The following ZSCAN25 variants were observed in gnomAD, a reference collection of about 807,000 sequenced individuals.
The protein encoded by ZSCAN25 is zinc finger and SCAN domain-containing protein 25.
In ZSCAN25, 27 loss-of-function variants were observed where a neutral mutation model predicts 38.7. The observed-to-expected ratio is 0.70, with a 90% CI of 0.51 to 0.96. The LOEUF is 0.96. Ranked by LOEUF, ZSCAN25 falls within the 40% of genes least tolerant of loss-of-function variation. The pLI is 0.00. For missense variants in ZSCAN25, 637 were observed against 705.9 expected (o/e 0.90, Z 1.11); for synonymous variants, 273 against 277.7 (o/e 0.98, Z 0.17).
chr7:99,709,244 A>G, the ZSCAN25 span: 14 of 1,613,882 alleles, frequency 8.7e-6, no homozygotes, highest in South Asian at 1.4e-4. Flanking sequence ...GTAGCACAGT[A>G]TCATAGGTGG....
At chr7:99,663,382 C>G in the ZSCAN25 span, 1 of 991,974 alleles carries the variant, frequency 1.0e-6, no homozygotes, top group Non-Finnish European at 1.2e-6. Flanking sequence ...TTACCTGGTC[C>G]TGTCTCCCTG....
chr7:99,714,337 A>G, the ZSCAN25 span, among the ~76,000 whole-genome samples: 6 of 152,164 alleles, frequency 3.9e-5, no homozygotes, highest in East Asian at 5.8e-4. Context: ...TGTGCCTGAT[A>G]TCAAATTTTA....
the ZSCAN25 span, chr7:99,717,553 T>TG: frequency 1.2e-6 from 2 of 1,613,770 alleles, no homozygotes; most frequent in Non-Finnish European, 1.7e-6. Context: ...TGGTGAATGT[T>TG]GGAGACAGCA....
chr7:99,722,381 T>C, the ZSCAN25 span: 1 of 1,610,876 alleles, frequency 6.2e-7, no homozygotes, highest in Middle Eastern at 1.7e-4. Context: ...ATTTCATTAT[T>C]ATTTTAAGTG....
chr7:99,676,308 A>G, the ZSCAN25 span: 3 of 1,585,410 alleles, frequency 1.9e-6, no homozygotes, highest in South Asian at 2.2e-5. Flanking sequence ...AGAGGGAGGT[A>G]ATATGTACAC....
downstream of ZSCAN25, among the ~76,000 whole-genome samples, chr7:99,635,096 C>T (rs1808218149): frequency 6.6e-6 from 1 of 151,832 alleles, no homozygotes. Context: ...GTTTCTCAAC[C>T]CCTGCACTGT....
the ZSCAN25 span, chr7:99,714,775 G>A: frequency 6.4e-7 from 1 of 1,560,180 alleles, no homozygotes; most frequent in Non-Finnish European, 8.6e-7. Context: ...AATCAGAAGA[G>A]TGAAATACAT....
chr7:99,722,217 G>T, the ZSCAN25 span: 1 of 1,579,968 alleles, frequency 6.3e-7, no homozygotes, highest in Admixed American at 1.7e-5. Context: ...GAGGCTCTGG[G>T]CTGAGACTAT....
the ZSCAN25 span, chr7:99,705,517 TC>T: frequency 6.2e-7 from 1 of 1,613,656 alleles, no homozygotes. Context: ...CCACTTACGG[TC>T]TCATCCCTTG....
At chr7:99,681,951 T>G in the ZSCAN25 span, among the ~76,000 whole-genome samples, 2 of 152,104 alleles carry the variant, frequency 1.3e-5, no homozygotes, top group Non-Finnish European at 2.9e-5. Context: ...GTCTCAGATT[T>G]CAGTTTTGTT....
the ZSCAN25 span, among the ~76,000 whole-genome samples, chr7:99,654,903 C>T: frequency 2.6e-4 from 39 of 152,186 alleles, no homozygotes; most frequent in African/African-American, 9.4e-4. Flanking sequence ...TGTTCATATC[C>T]TTCCCCCACT....
the ZSCAN25 span, among the ~76,000 whole-genome samples, chr7:99,711,334 A>G: frequency 1.3e-5 from 2 of 152,236 alleles, no homozygotes; most frequent in Admixed American, 6.5e-5. Context: ...AATTTGCAAC[A>G]TTAATGGCTA....
rs1461611266 is a variant in ZSCAN25 at position 99,624,039 on chromosome 7, A to G, written c.682-18A>G. 1 of 1,614,008 alleles carries G rather than the reference A, an allele frequency of 6.2e-7. No homozygotes were observed. The highest frequency in any genetic ancestry group is 8.5e-7 in the Non-Finnish European group (1 of 1,180,034). ...CTAGGATTCTTTCTTTATTCATAGC[A>G]ATCTCCTATTGTTGCAGGGGTTGGG... is the stretch of plus-strand genomic sequence containing the variant. On this transcript the variant is annotated intron_variant, in intron 6 of 7. Coordinates refer to ENST00000394152, the MANE Select transcript of ZSCAN25 (RefSeq NM_145115.3).
At chr7:99,669,778 TA>T in the ZSCAN25 span, among the ~76,000 whole-genome samples, 6 of 152,208 alleles carry the variant, frequency 3.9e-5, no homozygotes, top group African/African-American at 1.2e-4. Flanking sequence ...TCAAGAGATT[TA>T]TATGAAGCAG....
the ZSCAN25 span, chr7:99,709,122 G>A: frequency 6.2e-7 from 1 of 1,613,816 alleles, no homozygotes; most frequent in Admixed American, 1.7e-5. Flanking sequence ...CACCCCTTTG[G>A]GAATAAACAT....
chr7:99,665,084 G>A, the ZSCAN25 span: 1 of 1,180,260 alleles, frequency 8.5e-7, no homozygotes, highest in Non-Finnish European at 1.2e-6. Flanking sequence ...CCTTTTAAGT[G>A]GATGAATTAT....
chr7:99,728,564 AC>A, the ZSCAN25 span, among the ~76,000 whole-genome samples: 1 of 152,138 alleles, frequency 6.6e-6, no homozygotes, highest in Admixed American at 6.5e-5. Flanking sequence ...TTTGCCTCAC[AC>A]AAGGCCTCTG....
At chr7:99,644,826 AAGAG>A in the ZSCAN25 span, among the ~76,000 whole-genome samples, 1 of 151,990 alleles carries the variant, frequency 6.6e-6, no homozygotes, top group Non-Finnish European at 1.5e-5. Flanking sequence ...TTTTTGAAAA[AAGAG>A]AACACATAGT....
chr7:99,677,763 C>A, the ZSCAN25 span, among the ~76,000 whole-genome samples: 752 of 152,316 alleles, frequency 4.9e-3, 8 homozygotes, highest in African/African-American at 0.017. Context: ...ATTCCCACTT[C>A]AGTTCCCTCC....
Sources: gnomAD v4.1 joint callset for allele counts (sites outside exome capture counted in the v4.1 genomes callset) on GRCh38, gnomAD v4.1.1 for gene constraint, MANE v1.5 for transcripts, NCBI Gene and HGNC (gene_info 2026-07-23, HGNC 2026-07-21) for gene names.